CD84: variants seen among roughly 807,000 people sequenced by gnomAD.
CD84 encodes SLAM family member 5.
In CD84, 22 loss-of-function variants were observed where a neutral mutation model predicts 33.8. The observed-to-expected ratio is 0.65, with a 90% CI of 0.46 to 0.93. The LOEUF (loss-of-function observed/expected upper bound fraction) is 0.93. Ranked by LOEUF, CD84 falls within the 40% of genes least tolerant of loss-of-function variation. The probability of loss-of-function intolerance (pLI) is 0.00; values close to 1 mark genes in which losing one functional copy is unlikely to be tolerated. For synonymous variants in CD84, 154 were observed against 145.2 expected (o/e 1.06, Z -0.44); for missense variants, 400 against 397.6 (o/e 1.01, Z -0.05).
At chr1:160,555,226 G>C (rs570504588) in intron 2 of CD84, among the ~76,000 whole-genome samples, 111 of 151,914 alleles carry the variant, frequency 7.3e-4, no homozygotes, top group African/African-American at 2.6e-3. Context: ...TGGGACTACA[G>C]GTGCCCACCA....
chr1:160,572,018 G>A (rs1657725251), intron 1 of CD84, among the ~76,000 whole-genome samples: 1 of 152,082 alleles, frequency 6.6e-6, no homozygotes, highest in Non-Finnish European at 1.5e-5. Flanking sequence ...GAAAGGATAA[G>A]TGAAAGAGCA....
chr1:160,573,686 C>T (rs1657825443), intron 1 of CD84, among the ~76,000 whole-genome samples: 2 of 152,170 alleles, frequency 1.3e-5, no homozygotes, highest in South Asian at 4.1e-4. Flanking sequence ...TCTTGCCTTG[C>T]CTTACTATCC....
chr1:160,550,116 C>T lies in CD84; in HGVS notation c.859-137G>A. 3 of 700,998 alleles carry T rather than the reference C, an allele frequency of 4.3e-6. No individual in the cohort carries two copies. The South Asian group carries it at 4.6e-5, about 11-fold the overall frequency. The allele number at this position is 700,998 out of a possible 1,614,324, so 43.4% of individuals were successfully genotyped here. A position where few individuals can be genotyped will look rare whatever the true frequency, so the allele number is the denominator to read the frequency against. On this transcript the variant is annotated intron_variant, in intron 5 of 6. Transcript: ENST00000368054. ...GGCCTCCCCTTTGGCCTCAGTTCTG[C>T]CTCCATCCAACTCTGGAGAGGCTTA...
intron 1 of CD84, among the ~76,000 whole-genome samples, chr1:160,576,830 AT>A (rs1658016030): frequency 6.6e-6 from 1 of 152,234 alleles, no homozygotes; most frequent in African/African-American, 2.4e-5. Flanking sequence ...ACTTAGAGTA[AT>A]GCTGAATATG....
At chr1:160,564,897 A>G (rs1253761003) in intron 2 of CD84, among the ~76,000 whole-genome samples, 1 of 152,186 alleles carries the variant, frequency 6.6e-6, no homozygotes, top group East Asian at 1.9e-4. Context: ...ACATAAATGA[A>G]TGCATGCATA....
intron 2 of CD84, among the ~76,000 whole-genome samples, chr1:160,555,694 T>A (rs983371978): frequency 3.3e-5 from 5 of 152,208 alleles, no homozygotes; most frequent in African/African-American, 1.2e-4. Flanking sequence ...GCAAAGTTGC[T>A]GTGGTGGGGT....
intron 1 of CD84, among the ~76,000 whole-genome samples, chr1:160,568,700 A>T (rs138051397): frequency 6.6e-6 from 1 of 152,084 alleles, no homozygotes; most frequent in African/African-American, 2.4e-5. Flanking sequence ...GGCTCACTGC[A>T]ACCTCCACCT....
chr1:160,550,715 C>T (rs1656154072), intron 5 of CD84: 2 of 985,220 alleles, frequency 2.0e-6, no homozygotes, highest in African/African-American at 3.5e-5. Context: ...ACACTCAGTG[C>T]CTCAGCCCAT....
At position 160,548,242 on chromosome 1, in the gene CD84, T is replaced by C; in HGVS notation, c.*14A>G. 6.2e-7 allele frequency: 1 copy of C among 1,614,010 alleles called. No individual in the cohort carries two copies. The highest frequency in any genetic ancestry group is 8.5e-7 in the Non-Finnish European group (1 of 1,179,918). On this transcript the variant is annotated 3_prime_UTR_variant, in exon 7 of 7. Coordinates refer to ENST00000368054, the MANE Select transcript of CD84 (RefSeq NM_003874.4). ...TGTAACTCAGTTTCCAGAGGGAGAA[T>C]TCAGCCCAGCAGCCTAGATCACAAT...
In CD84 at chr1:160,556,197, G is replaced by A. The variant is rs369820226; in HGVS notation, c.389-2051C>T. Among the ~76,000 whole-genome samples, 10 of 152,318 alleles carry A rather than the reference G, an allele frequency of 6.6e-5. No individual in the cohort carries two copies. In the South Asian group the frequency reaches 2.1e-3, roughly 32 times the overall value. ...CACTTTTCTCAGCAGGAACAGAGGT[G>A]TTGCCTGCACAAAGATGCTGGGAAG... is the stretch of plus-strand genomic sequence containing the variant. On this transcript the variant is annotated intron_variant, in intron 2 of 6. Coordinates refer to ENST00000368054, the MANE Select transcript of CD84 (RefSeq NM_003874.4).
intron 1 of CD84, among the ~76,000 whole-genome samples, chr1:160,566,454 A>G (rs1294355110): frequency 2.0e-5 from 3 of 152,196 alleles, no homozygotes; most frequent in Non-Finnish European, 4.4e-5. Context: ...TCGTTTATTC[A>G]TTCATACATT....
At chr1:160,564,470 C>T (rs1336029166) in intron 2 of CD84, among the ~76,000 whole-genome samples, 1 of 152,206 alleles carries the variant, frequency 6.6e-6, no homozygotes, top group East Asian at 1.9e-4. Flanking sequence ...CATATATTCA[C>T]AGCAGCTTTA....
chr1:160,557,659 T>A (rs1239435787), intron 2 of CD84, among the ~76,000 whole-genome samples: 3 of 152,268 alleles, frequency 2.0e-5, no homozygotes, highest in Admixed American at 6.5e-5. Context: ...TTTCTAATAA[T>A]CACATTTCAA....
rs762365234 is a variant in CD84, at chr1:160,551,016, G to A, written c.780C>T (p.Thr260=). The change falls in exon 5 of 7, where the codon ACC becomes ACT. Residue 260 remains threonine (T), a synonymous_variant. Coordinates refer to ENST00000368054, the MANE Select transcript of CD84 (RefSeq NM_003874.4). ...TTGAAGCCATGATATATGTGTATAT[G>A]GTTTTCTTTGAGGCAGCATCTGTCT... ...KRRQDAASKK[T]IYTYIMASRN... 7 of 1,613,634 alleles carry A rather than the reference G, an allele frequency of 4.3e-6. No homozygotes were observed. Among genetic ancestry groups the A allele is most frequent in the Admixed American group, 3.3e-5 (2 of 60,018 alleles).
chr1:160,544,045 C>G lies in CD84; in HGVS notation c.*4211G>C, dbSNP rs1327033166. On this transcript the variant is annotated 3_prime_UTR_variant, in exon 7 of 7. Transcript: ENST00000368054. ...GGTTAAAGTAACTTGCCTAAGGTCACATGACTAAGAAACCAGGATGCAGAC... is the reference window on the plus strand; with the variant it reads ...GGTTAAAGTAACTTGCCTAAGGTCAGATGACTAAGAAACCAGGATGCAGAC... 1 of 151,852 alleles carries G rather than the reference C, an allele frequency of 6.6e-6. No individual in the cohort carries two copies. Among genetic ancestry groups the G allele is most frequent in the Non-Finnish European group, 1.5e-5 (1 of 67,992 alleles). 9.4% of individuals were successfully genotyped at this position (151,852 alleles called of 1,614,324 possible).
At position 160,550,973 on chromosome 1, in the gene CD84, C is replaced by T. The variant is rs1032762261; in HGVS notation, c.823G>A (p.Glu275Lys). ...AGGATTTCATCATAGATTCTGGACT[C>T]TGCTGGCTGGGTGTTCCTTGAAGCC... ...IMASRNTQPA[E>K]SRIYDEILQS... The change falls in exon 5 of 7, where the codon GAG becomes AAG. Residue 275 changes from glutamate (E) to lysine (K), a missense_variant. By Grantham distance (56) the Glu-to-Lys change is moderately conservative. Transcript: ENST00000368054. 5 of 1,614,140 alleles carry T rather than the reference C, an allele frequency of 3.1e-6. No individual in the cohort carries two copies. The highest frequency in any genetic ancestry group is 1.7e-4 in the Middle Eastern group (1 of 6,060).
At chr1:160,549,811 C>T in intron 6 of CD84, 106 bp downstream of exon 6, 1 of 859,322 alleles carries the variant, frequency 1.2e-6, no homozygotes, top group East Asian at 2.4e-5. Context: ...CTGAGAACTA[C>T]AAGGAGTCCC....
intron 4 of CD84, chr1:160,552,852 G>A (rs758622282): frequency 2.3e-5 from 17 of 752,046 alleles, no homozygotes; most frequent in African/African-American, 1.4e-4. Context: ...TGGGTGAATC[G>A]GAGGGTATAA....
At chr1:160,551,231 G>A (rs1045264386) in intron 4 of CD84, 196 bp from the exon 5 acceptor site, 14 of 561,358 alleles carry the variant, frequency 2.5e-5, no homozygotes, top group Non-Finnish European at 3.8e-5. Context: ...ACAGGTCAAT[G>A]GGAATTCTCT....
Sources: gnomAD v4.1 joint callset for allele counts (sites outside exome capture counted in the v4.1 genomes callset) on GRCh38, gnomAD v4.1.1 for gene constraint, MANE v1.5 for transcripts, NCBI Gene and HGNC (gene_info 2026-07-23, HGNC 2026-07-21) for gene names.